FGD6: variants seen among roughly 807,000 people sequenced by gnomAD.
FGD6 encodes the protein FYVE, RhoGEF and PH domain-containing protein 6.
Under a neutral mutation model 149.4 loss-of-function variants are expected in FGD6, and 90 were observed. The observed-to-expected ratio is 0.60, with a 90% CI of 0.51 to 0.72. The LOEUF (loss-of-function observed/expected upper bound fraction) is 0.72. FGD6 is among the 30% of genes least tolerant of loss of function. The pLI is 0.00. For synonymous variants in FGD6, 527 were observed against 584.0 expected, an observed-to-expected ratio of 0.90 and a Z score of 1.41; for missense variants, 1,437 against 1,684.8, an observed-to-expected ratio of 0.85 and a Z score of 2.57.
intron 2 of FGD6, among the ~76,000 whole-genome samples, chr12:95,175,573 TG>T (rs1406307684): frequency 6.6e-6 from 1 of 151,954 alleles, no homozygotes; most frequent in African/African-American, 2.4e-5. Context: ...GAGCTAAACC[TG>T]TCTCTACTAA....
intron 5 of FGD6, among the ~76,000 whole-genome samples, chr12:95,146,273 C>G (rs1880014502): frequency 6.6e-6 from 1 of 152,052 alleles, no homozygotes; most frequent in Non-Finnish European, 1.5e-5. Flanking sequence ...GAGGTGACAT[C>G]TTTTTTTTAT....
intron 5 of FGD6, among the ~76,000 whole-genome samples, chr12:95,146,696 G>T (rs1443989041): frequency 1.6e-4 from 25 of 152,144 alleles, no homozygotes; most frequent in Admixed American, 1.6e-3. Context: ...CTTGTTTAAT[G>T]TGGAATTTGT....
At chr12:95,163,369 G>A (rs1371828283) in intron 3 of FGD6, among the ~76,000 whole-genome samples, 1 of 151,364 alleles carries the variant, frequency 6.6e-6, no homozygotes, top group African/African-American at 2.4e-5. Context: ...TTTTATGATG[G>A]CTCCCTTGAC....
chr12:95,193,906 T>C (rs1881666261), intron 2 of FGD6, among the ~76,000 whole-genome samples: 1 of 151,878 alleles, frequency 6.6e-6, no homozygotes. Flanking sequence ...TTTTGTTACA[T>C]TTTATTTTCT....
intron 3 of FGD6, among the ~76,000 whole-genome samples, chr12:95,159,093 C>T (rs184501869): frequency 2.6e-5 from 4 of 152,216 alleles, no homozygotes; most frequent in African/African-American, 4.8e-5. Flanking sequence ...AAAATGTGCA[C>T]GAGCTCGACA....
intron 2 of FGD6, among the ~76,000 whole-genome samples, chr12:95,193,337 GCTC>G (rs1881643645): frequency 6.6e-6 from 1 of 151,864 alleles, no homozygotes; most frequent in African/African-American, 2.4e-5. Context: ...AACTTGGATG[GCTC>G]TACAGAAAAT....
chr12:95,167,718 G>A (rs1046225772), intron 3 of FGD6, among the ~76,000 whole-genome samples: 2 of 151,710 alleles, frequency 1.3e-5, no homozygotes, highest in Admixed American at 1.3e-4. Flanking sequence ...AGGATTACAG[G>A]CATGCACCAA....
chr12:95,211,367 T>C, intron 1 of FGD6, 100 bp from the exon 2 acceptor site: 1 of 1,402,132 alleles, frequency 7.1e-7, no homozygotes, highest in Non-Finnish European at 9.4e-7. Flanking sequence ...CAATATGACC[T>C]TGCCTTTTAC....
chr12:95,172,727 T>C lies in FGD6; in HGVS notation c.2459A>G (p.Glu820Gly). The C allele has an allele frequency of 6.2e-7, 1 of 1,610,834 alleles. No individual in the cohort carries two copies. ...ACCAAGACCAAGATCATTCTGTTCCTCCTGGGATGCTCCTGAACTGCATTC... is the reference window on the plus strand; with the variant it reads ...ACCAAGACCAAGATCATTCTGTTCCCCCTGGGATGCTCCTGAACTGCATTC... Reference protein sequence around the residue: ...HQHSSSGASQEEQNDLGLGDL... With the variant: ...HQHSSSGASQGEQNDLGLGDL... Residue 820 changes from glutamate (E) to glycine (G), a missense_variant, in exon 3 of 21, where the codon GAG (glutamate) becomes GGG (glycine). This residue lies in a region of FGD6 where 1,055 missense variants were observed against 1,146.0 expected (regional missense o/e 0.92). Transcript: ENST00000343958.
chr12:95,119,741 G>C (rs1018470837), intron 8 of FGD6, among the ~76,000 whole-genome samples: 7 of 152,158 alleles, frequency 4.6e-5, no homozygotes, highest in African/African-American at 1.7e-4. Context: ...GACCCGCCTT[G>C]CCAACATGGC....
intron 1 of FGD6, 118 bp downstream of exon 1, chr12:95,217,107 T>A: frequency 6.7e-7 from 1 of 1,492,782 alleles, no homozygotes; most frequent in Non-Finnish European, 9.1e-7. Flanking sequence ...GCCGAGGTGC[T>A]CGGCAAAGGT....
In FGD6 at chr12:95,144,117, G is replaced by A. The variant is rs138138157; in HGVS notation, c.2686-2578C>T. ...AAAAGGGAACTTGTTTATTTAAGAC[G>A]CATTTAACAGAGACCAGCCAAATAC... On this transcript the variant is annotated intron_variant, in intron 5 of 20. Coordinates refer to ENST00000343958, the MANE Select transcript of FGD6 (RefSeq NM_018351.4). Among the ~76,000 whole-genome samples the A allele has an allele frequency of 4.9e-3, 753 of 152,230 alleles. 4 individuals carry two copies. Among genetic ancestry groups the A allele is most frequent in the Non-Finnish European group, 7.1e-3 (484 of 68,016 alleles).
chr12:95,168,742 A>G (rs1172878130), intron 3 of FGD6, among the ~76,000 whole-genome samples: 2 of 152,172 alleles, frequency 1.3e-5, no homozygotes, highest in African/African-American at 4.8e-5. Flanking sequence ...AACAGTGTAT[A>G]ATCACTTAAT....
intron 8 of FGD6, among the ~76,000 whole-genome samples, chr12:95,117,853 C>T (rs1475535746): frequency 1.3e-5 from 2 of 152,082 alleles, no homozygotes; most frequent in African/African-American, 4.8e-5. Flanking sequence ...ACCAGCCTGG[C>T]CAACATGGTG....
chr12:95,149,729 TTA>T (rs1413936272), intron 5 of FGD6, among the ~76,000 whole-genome samples: 4 of 145,126 alleles, frequency 2.8e-5, no homozygotes, highest in East Asian at 2.0e-4. Flanking sequence ...TTCATATAAA[TTA>T]TGTTTGATAA....
intron 2 of FGD6, among the ~76,000 whole-genome samples, chr12:95,176,913 C>T (rs754899403): frequency 1.1e-4 from 16 of 152,162 alleles, no homozygotes; most frequent in Non-Finnish European, 1.8e-4. Context: ...ACTGCAACCT[C>T]GCCTCCCTAG....
intron 8 of FGD6, chr12:95,125,938 T>C: frequency 1.4e-6 from 2 of 1,457,940 alleles, no homozygotes; most frequent in Non-Finnish European, 1.9e-6. Flanking sequence ...CTCACTGATT[T>C]CATCCTCAAG....
rs1332239386 is a variant in FGD6, at chr12:95,089,662, T to C, written c.3885A>G (p.Gly1295=). 1.9e-6 allele frequency: 3 copies of C among 1,613,988 alleles called. No individual in the cohort carries two copies. Among genetic ancestry groups the C allele is most frequent in the South Asian group, 2.2e-5 (2 of 91,066 alleles). The part of the protein sequence containing the change: ...HQHSPRIGSP[G]NHKSPSSALS... ...AGGCACTTGAAGGAGATTTGTGATTTCCAGGAGATCCAATCCTAGGGGAGT... is the reference window on the plus strand; with the variant it reads ...AGGCACTTGAAGGAGATTTGTGATTCCCAGGAGATCCAATCCTAGGGGAGT... The change falls in exon 18 of 21, where the codon GGA becomes GGG. Residue 1295 remains glycine, a synonymous_variant. Transcript: ENST00000343958.
chr12:95,211,039 T>A lies in FGD6; in HGVS notation c.245A>T (p.His82Leu), dbSNP rs780386860. 1.8e-5 allele frequency: 29 copies of A among 1,614,090 alleles called. No homozygotes were observed. The highest frequency in any genetic ancestry group is 1.8e-5 in the Non-Finnish European group (21 of 1,180,046). The change falls in exon 2 of 21, where the codon CAT becomes CTT. Residue 82 changes from histidine (H) to leucine (L), a missense_variant. By Grantham distance (99) the His-to-Leu change is moderately conservative. Transcript: ENST00000343958. ...SRKIMLNLEG[H>L]KQELAESTDN... ...AGTGCTTTCAGCTAATTCCTGTTTA[T>A]GCCCTTCCAGGTTCAACATGATTTT...
Sources: gnomAD v4.1 joint callset for allele counts (sites outside exome capture counted in the v4.1 genomes callset) on GRCh38, gnomAD v4.1.1 for gene constraint, gnomAD v4.1.1 regional missense constraint, MANE v1.5 for transcripts, NCBI Gene and HGNC (gene_info 2026-07-23, HGNC 2026-07-21) for gene names.